MYZAP: variants seen among roughly 807,000 people sequenced by gnomAD.
MYZAP encodes the protein myocardial zonula adherens protein, also known as GRINL1A complex locus upstream.
Under a neutral mutation model 69.4 loss-of-function variants are expected in MYZAP, and 66 were observed. That is an observed-to-expected ratio of 0.95 (90% CI 0.78 to 1.17). MYZAP has a LOEUF of 1.17. MYZAP is among the 50% of genes most tolerant of loss of function. The pLI is 0.00. For synonymous variants in MYZAP, 256 were observed against 205.9 expected, an observed-to-expected ratio of 1.24 and a Z score of -2.09; for missense variants, 611 against 556.2, an observed-to-expected ratio of 1.10 and a Z score of -0.99.
At chr15:57,640,514 G>GT (rs2037086992) in intron 10 of MYZAP, among the ~76,000 whole-genome samples, 1 of 152,110 alleles carries the variant, frequency 6.6e-6, no homozygotes. Flanking sequence ...AAAAAGTTAT[G>GT]TTTTATTAAT....
chr15:57,621,201 T>C (rs1464570728), intron 3 of MYZAP, among the ~76,000 whole-genome samples: 1 of 121,958 alleles, frequency 8.2e-6, no homozygotes, highest in Admixed American at 8.5e-5. Flanking sequence ...CCTTCTTTCT[T>C]TTTCTTTTTT....
At chr15:57,675,268 G>A (rs909724135) in intron 12 of MYZAP, among the ~76,000 whole-genome samples, 200 bp downstream of exon 12, 7 of 152,148 alleles carry the variant, frequency 4.6e-5, no homozygotes, top group Non-Finnish European at 1.0e-4. Context: ...CAGCAAAGGA[G>A]AGACCTGGGG....
intron 2 of MYZAP, among the ~76,000 whole-genome samples, chr15:57,607,522 A>C (rs1402791682): frequency 2.0e-5 from 3 of 152,132 alleles, no homozygotes; most frequent in African/African-American, 7.2e-5. Flanking sequence ...AAGTGGTACT[A>C]ACGGGGGCCC....
At chr15:57,627,129 T>C (rs1199609171) in intron 5 of MYZAP, among the ~76,000 whole-genome samples, 1 of 152,150 alleles carries the variant, frequency 6.6e-6, no homozygotes, top group African/African-American at 2.4e-5. Context: ...TTGTACTACA[T>C]CTCTGGTTTT....
At chr15:57,668,441 G>A (rs980694712) in intron 11 of MYZAP, among the ~76,000 whole-genome samples, 47 of 152,158 alleles carry the variant, frequency 3.1e-4, no homozygotes, top group Admixed American at 1.3e-4. Flanking sequence ...CCCAGACCTA[G>A]TATTGCCAAC....
intron 12 of MYZAP, chr15:57,680,695 TCCAGCAAA>T (rs1216349727): frequency 6.6e-6 from 1 of 152,210 alleles, no homozygotes; most frequent in African/African-American, 2.4e-5. Flanking sequence ...AAACTTGGTT[TCCAGCAAA>T]CCAGCAAACT....
rs1026816260 is a variant in MYZAP at position 57,631,054 on chromosome 15, C to A, written c.678+1200C>A. On this transcript the variant is annotated intron_variant, in intron 6 of 12. Coordinates refer to ENST00000267853, the MANE Select transcript of MYZAP (RefSeq NM_001018100.5). ...ACAGCCATGGGACAGATCATCTCCT[C>A]TGTATGTTCACTTCTAATAGGGCAG... Among the ~76,000 whole-genome samples, 20 of 152,312 alleles carry A rather than the reference C, an allele frequency of 1.3e-4. No individual in the cohort carries two copies. The East Asian group carries it at 3.9e-3, about 29-fold the overall frequency.
Position 57,618,105 on chromosome 15 carries a change from T to C in MYZAP, c.235T>C (p.Ser79Pro), listed in dbSNP as rs2035589571. The stretch of plus-strand genomic sequence containing the variant: ...TGTTGTTTATGGTGTGGTGCGAAGA[T>C]CAGATCAAAATCAGCAGAAAGAAAT... ...QGVVYGVVRRSDQNQQKEMVV... is the reference protein window; with the variant it reads ...QGVVYGVVRRPDQNQQKEMVV... Residue 79 changes from serine to proline, a missense_variant, in exon 3 of 13, where the codon TCA (serine) becomes CCA (proline). Transcript: ENST00000267853. 6.2e-7 allele frequency: 1 copy of C among 1,614,014 alleles called. No individual in the cohort carries two copies. The highest frequency in any genetic ancestry group is 1.3e-5 in the African/African-American group (1 of 74,886).
intron 3 of MYZAP, among the ~76,000 whole-genome samples, chr15:57,620,644 G>A (rs2140392981): frequency 6.6e-6 from 1 of 152,334 alleles, no homozygotes; most frequent in South Asian, 2.1e-4. Context: ...TTACTGCCTT[G>A]CGTGTTATTG....
intron 12 of MYZAP, 147 bp downstream of exon 12, chr15:57,675,215 C>T: frequency 1.3e-6 from 1 of 778,390 alleles, no homozygotes; most frequent in Non-Finnish European, 2.0e-6. Context: ...AGAGGCTTGA[C>T]TGGTTTCTGT....
In MYZAP at chr15:57,684,582, G is replaced by T; in HGVS notation, c.*84G>T. ...AAATCCTTTGGGAAGGGTGACTGTTGTTTCCCCTACACACAGTGTAAGCCG... is the reference window on the plus strand; with the variant it reads ...AAATCCTTTGGGAAGGGTGACTGTTTTTTCCCCTACACACAGTGTAAGCCG... On this transcript the variant is annotated 3_prime_UTR_variant, in exon 13 of 13. Transcript: ENST00000267853. The T allele has an allele frequency of 1.2e-6, 1 of 848,172 alleles. No individual in the cohort carries two copies. The highest frequency in any genetic ancestry group is 1.5e-5 in the South Asian group (1 of 66,928). The allele number at this position is 848,172 out of a possible 1,614,324, so 52.5% of individuals were successfully genotyped here.
chr15:57,667,956 T>G (rs1490914941), intron 11 of MYZAP, among the ~76,000 whole-genome samples: 14 of 152,174 alleles, frequency 9.2e-5, no homozygotes, highest in African/African-American at 3.4e-4. Flanking sequence ...TTTTTTTCTG[T>G]AGATGGTGAG....
At chr15:57,631,034 C>G (rs545334347) in intron 6 of MYZAP, among the ~76,000 whole-genome samples, 6 of 152,226 alleles carry the variant, frequency 3.9e-5, no homozygotes, top group African/African-American at 7.2e-5. Flanking sequence ...CTGCCACAGC[C>G]ATGGGACAGA....
intron 1 of MYZAP, among the ~76,000 whole-genome samples, chr15:57,599,191 A>G (rs1482689358): frequency 6.6e-6 from 1 of 152,192 alleles, no homozygotes; most frequent in African/African-American, 2.4e-5. Context: ...TCTCAAAGCT[A>G]GTAGGTGTCA....
At chr15:57,623,965 G>T (rs540333788) in intron 4 of MYZAP, among the ~76,000 whole-genome samples, 55 of 152,230 alleles carry the variant, frequency 3.6e-4, no homozygotes, top group Admixed American at 9.2e-4. Context: ...TTCTGTGTGT[G>T]CACAAAAAGT....
intron 3 of MYZAP, 71 bp from the exon 4 acceptor site, chr15:57,621,537 T>C: frequency 6.4e-7 from 1 of 1,561,980 alleles, no homozygotes; most frequent in Non-Finnish European, 8.7e-7. Flanking sequence ...TTAGAGTTTC[T>C]TAAAAGTTTT....
chr15:57,592,217 C>A, intron 1 of MYZAP, 108 bp downstream of exon 1: 1 of 1,034,068 alleles, frequency 9.7e-7, no homozygotes, highest in Non-Finnish European at 1.2e-6. Flanking sequence ...CTGGCCCCGA[C>A]GCCCCACCCT....
At chr15:57,647,223 G>T (rs2037489221) in intron 10 of MYZAP, 18 of 985,438 alleles carry the variant, frequency 1.8e-5, no homozygotes, top group Non-Finnish European at 2.2e-5. Flanking sequence ...GAAAGAAGCA[G>T]ATGAATACTT....
intron 8 of MYZAP, 113 bp downstream of exon 8, chr15:57,633,854 T>TAAA: frequency 9.6e-7 from 1 of 1,043,048 alleles, no homozygotes; most frequent in Non-Finnish European, 1.2e-6. Context: ...AATTTGCAAT[T>TAAA]AAAAAAAAAA....
Sources: allele counts gnomAD v4.1 joint callset (sites outside exome capture counted in the v4.1 genomes callset), GRCh38; gene constraint gnomAD v4.1.1; transcripts MANE v1.5; gene names NCBI Gene and HGNC (gene_info 2026-07-23, HGNC 2026-07-21).